The following RIN2 variants were observed in gnomAD, a reference collection of about 807,000 sequenced individuals.
RIN2 encodes Ras and Rab interactor 2, also known as RAB5 interacting protein 2.
In RIN2, 36 loss-of-function variants were observed where a neutral mutation model predicts 78.0. The observed-to-expected ratio is 0.46, with a 90% CI of 0.35 to 0.61. The LOEUF (loss-of-function observed/expected upper bound fraction) is 0.61. Among genes scored for constraint, RIN2 ranks in the 20% least tolerant of loss-of-function variants. The pLI, the probability that RIN2 is intolerant of heterozygous loss-of-function variation, is 0.00. For synonymous variants in RIN2, 466 were observed against 466.8 expected (o/e 1.00, Z 0.02); for missense variants, 1,087 against 1,159.7 (o/e 0.94, Z 0.91).
intron 10 of RIN2, 55 bp downstream of exon 10, chr20:19,990,366 G>A: frequency 1.3e-6 from 2 of 1,522,868 alleles, no homozygotes; most frequent in Non-Finnish European, 1.8e-6. Context: ...GCCGGGGACA[G>A]GCCTCTCTCC....
intron 1 of RIN2, among the ~76,000 whole-genome samples, chr20:19,788,006 T>C (rs1038450478): frequency 3.3e-5 from 5 of 152,228 alleles, no homozygotes; most frequent in African/African-American, 1.2e-4. Flanking sequence ...AAATAAGTTA[T>C]TGTGTTTTTA....
chr20:19,956,583 C>G, intron 4 of RIN2, 32 bp from the exon 5 acceptor site: 1 of 1,601,274 alleles, frequency 6.2e-7, no homozygotes, highest in South Asian at 1.1e-5. Flanking sequence ...GGTACTGCAG[C>G]CAGCTGACCG....
chr20:19,789,806 A>T (rs1266208804), intron 1 of RIN2, among the ~76,000 whole-genome samples: 1 of 152,176 alleles, frequency 6.6e-6, no homozygotes, highest in African/African-American at 2.4e-5. Context: ...ACCCAGTCCC[A>T]AAGTGCTAGC....
At chr20:19,994,198 G>A (rs927017912) in intron 11 of RIN2, among the ~76,000 whole-genome samples, 2 of 152,224 alleles carry the variant, frequency 1.3e-5, no homozygotes, top group Admixed American at 1.3e-4. Context: ...CGTGTCTGGG[G>A]CTTCTTGGCT....
At chr20:19,764,918 G>T (rs1204824222) in intron 1 of RIN2, among the ~76,000 whole-genome samples, 13 of 50,380 alleles carry the variant, frequency 2.6e-4, no homozygotes, top group African/African-American at 4.5e-4. Flanking sequence ...CACTTTCTGC[G>T]TTTTTTTTTT....
intron 1 of RIN2, among the ~76,000 whole-genome samples, chr20:19,776,631 C>T (rs181669316): frequency 1.3e-5 from 2 of 151,838 alleles, no homozygotes; most frequent in African/African-American, 2.4e-5. Context: ...ACTCGGGAGG[C>T]TGAGGTGGAA....
At position 19,894,561 on chromosome 20, in the gene RIN2, T is replaced by C. The variant is rs75968831; in HGVS notation, c.57+4903T>C. Among the ~76,000 whole-genome samples, 506 of 152,286 alleles carry C rather than the reference T, an allele frequency of 3.3e-3. 3 individuals are homozygous for C. The highest frequency in any genetic ancestry group is 0.012 in the African/African-American group (479 of 41,578). ...GCCAGCACCCCTGGCCTAAATCCTC[T>C]TCATGTCTCCAAAGTCCTTGCCTTT... On this transcript the variant is annotated intron_variant, in intron 3 of 12. Coordinates refer to ENST00000255006, the MANE Select transcript of RIN2 (RefSeq NM_018993.4).
At chr20:19,909,527 G>A (rs80046891) in intron 3 of RIN2, among the ~76,000 whole-genome samples, 195 of 152,222 alleles carry the variant, frequency 1.3e-3, no homozygotes, top group Middle Eastern at 3.4e-3. Context: ...TTGTGTGCAC[G>A]TCTCTGTGTT....
chr20:19,768,469 T>C (rs1359481407), intron 1 of RIN2, among the ~76,000 whole-genome samples: 1 of 152,206 alleles, frequency 6.6e-6, no homozygotes, highest in East Asian at 1.9e-4. Context: ...TCTCTCTGCA[T>C]GCGGGCAAAG....
At position 19,975,283 on chromosome 20, in the gene RIN2, C is replaced by A; in HGVS notation, c.1258C>A (p.Pro420Thr). ...CCCGCCGCCCAGCTCTGAATCACGG[C>A]CCCCGTGCCATGGAGGCCGGCAGCG... Reference protein sequence around the residue: ...RAPPPSSESRPPCHGGRQRLS... With the variant: ...RAPPPSSESRTPCHGGRQRLS... Residue 420 changes from proline to threonine, a missense_variant, in exon 9 of 13, where the codon CCC (proline) becomes ACC (threonine). Transcript: ENST00000255006. This position sits in a 1 kb window ranked among gnomAD's most constrained non-coding sequence, Gnocchi z 4.9. 1.3e-6 allele frequency: 2 copies of A among 1,598,614 alleles called. No homozygotes were observed. The highest frequency in any genetic ancestry group is 1.7e-6 in the Non-Finnish European group (2 of 1,172,964).
chr20:19,823,119 T>G (rs1448056455), intron 2 of RIN2, among the ~76,000 whole-genome samples: 1 of 152,220 alleles, frequency 6.6e-6, no homozygotes, highest in Admixed American at 6.5e-5. Context: ...AAGTAACTGC[T>G]CAAAGTCACG....
chr20:19,770,608 C>T (rs1359623519), intron 1 of RIN2, among the ~76,000 whole-genome samples: 8 of 149,010 alleles, frequency 5.4e-5, no homozygotes, highest in Non-Finnish European at 8.9e-5. Flanking sequence ...AGCTCTGCAA[C>T]TCATGGCTCT....
At chr20:19,908,456 A>G (rs943021281) in intron 3 of RIN2, among the ~76,000 whole-genome samples, 2 of 148,528 alleles carry the variant, frequency 1.3e-5, no homozygotes, top group Non-Finnish European at 3.0e-5. Context: ...GCACCACTGC[A>G]CTCCGGCCTG....
At chr20:19,851,041 GGAAGGAA>G (rs2036955473) in intron 2 of RIN2, among the ~76,000 whole-genome samples, 1 of 96,798 alleles carries the variant, frequency 1.0e-5, no homozygotes, top group Non-Finnish European at 2.2e-5. Flanking sequence ...AAGGAAGGAA[GGAAGGAA>G]GGAGAAAGAA....
intron 9 of RIN2, among the ~76,000 whole-genome samples, chr20:19,981,975 C>T (rs1490378213): frequency 6.6e-6 from 1 of 152,156 alleles, no homozygotes; most frequent in Non-Finnish European, 1.5e-5. Context: ...AATTCCATGT[C>T]TTCTCCCAAA....
chr20:19,844,601 CTCTTCTTCTTCT>C (rs1181481041), intron 2 of RIN2, among the ~76,000 whole-genome samples: 4,861 of 122,810 alleles, frequency 0.04, 175 homozygotes, highest in African/African-American at 0.052. Flanking sequence ...CTGCTTCTTC[CTCTTCTTCTTCT>C]TCTTCTTCTT....
rs377683961 is a variant in RIN2 at position 19,889,681 on chromosome 20, A to T, written c.57+23A>T. Reference sequence around the variant, plus strand: ...AAGGTAAAAGGAAGCCTTGATTGGGATCTCAACTCGTCGGCTTGCTGCCTG... The same window carrying T: ...AAGGTAAAAGGAAGCCTTGATTGGGTTCTCAACTCGTCGGCTTGCTGCCTG... On this transcript the variant is annotated intron_variant, in intron 3 of 12. Coordinates refer to ENST00000255006, the MANE Select transcript of RIN2 (RefSeq NM_018993.4). 2.5e-3 allele frequency: 3,611 copies of T among 1,457,550 alleles called. 107 individuals carry two copies. The South Asian group carries it at 0.047, about 19-fold the overall frequency. 90.3% of individuals were successfully genotyped at this position (1,457,550 alleles called of 1,614,324 possible). A position where few individuals can be genotyped will look rare whatever the true frequency, so the allele number is the denominator to read the frequency against.
rs1423314390 is a variant in RIN2 at position 19,975,461 on chromosome 20, C to T, written c.1436C>T (p.Ser479Phe). Residue 479 changes from serine to phenylalanine, a missense_variant, in exon 9 of 13, where the codon TCC (serine) becomes TTC (phenylalanine). By Grantham distance (155) the Ser-to-Phe change is radical. Transcript: ENST00000255006. This position sits in a 1 kb window ranked among gnomAD's most constrained non-coding sequence, Gnocchi z 4.9. ...GAGACCATGGCGCCCCCCATCAAGT[C>T]CAAAAAGAAAAGGAGCAGCTCCTTC... ...DQETMAPPIK[S>F]KKKRSSSFVL... is the part of the protein sequence containing the mutation. The T allele has an allele frequency of 6.8e-6, 11 of 1,614,040 alleles. No individual in the cohort carries two copies. The highest frequency in any genetic ancestry group is 1.3e-5 in the African/African-American group (1 of 75,056).
At chr20:19,842,286 G>A (rs1405449524) in intron 2 of RIN2, among the ~76,000 whole-genome samples, 2 of 149,666 alleles carry the variant, frequency 1.3e-5, no homozygotes, top group Admixed American at 6.7e-5. Flanking sequence ...GTAGTGGTGC[G>A]ATCTTGGCTC....
Sources: allele counts gnomAD v4.1 joint callset (sites outside exome capture counted in the v4.1 genomes callset), GRCh38; gene constraint gnomAD v4.1.1; non-coding constraint Gnocchi (gnomAD v3.1); transcripts MANE v1.5; gene names NCBI Gene and HGNC (gene_info 2026-07-23, HGNC 2026-07-21).